SLC25A30: variants seen among roughly 807,000 people sequenced by gnomAD.
The protein encoded by SLC25A30 is kidney mitochondrial carrier protein 1.
SLC25A30 carries 29 observed loss-of-function variants against 42.7 expected under a neutral mutation model. The ratio of observed to expected loss-of-function variants is 0.68; its 90% confidence interval spans 0.51 to 0.93. The LOEUF is 0.93. Among genes scored for constraint, SLC25A30 ranks in the 40% least tolerant of loss-of-function variants. The pLI is 0.00. For missense variants in SLC25A30, 300 were observed against 359.7 expected, an observed-to-expected ratio of 0.83 and a Z score of 1.34; for synonymous variants, 124 against 131.0, an observed-to-expected ratio of 0.95 and a Z score of 0.37.
the SLC25A30 span, among the ~76,000 whole-genome samples, chr13:45,432,961 C>T: frequency 2.7e-5 from 4 of 147,814 alleles, no homozygotes; most frequent in African/African-American, 7.5e-5. Flanking sequence ...CACCTGAACC[C>T]GGGAAGGTTG....
the SLC25A30 span, among the ~76,000 whole-genome samples, chr13:45,424,498 TATATAAAAATATATATAAATATATAAAA>T: frequency 1.4e-3 from 87 of 62,798 alleles, 10 homozygotes; most frequent in Non-Finnish European, 2.1e-3. Context: ...AATATATAAA[TATATAAAAATATATATAAATATATAAAA>T]ATATATATAA....
the SLC25A30 span, among the ~76,000 whole-genome samples, chr13:45,423,901 A>C: frequency 2.2e-5 from 2 of 91,342 alleles, no homozygotes; most frequent in South Asian, 3.7e-4. Context: ...ATAAATATAT[A>C]TAAGAATATA....
In SLC25A30 at chr13:45,401,172, A is replaced by C; in HGVS notation, c.525T>G (p.Val175=). ...CATAGACCGGCAGCTCCACACCAAC[A>C]ACAATAGCAGCCCTCTGCGCAGTAA... ...VSLTAQRAAI[V]VGVELPVYDI... The change falls in exon 7 of 10, where the codon GTT becomes GTG. Residue 175 remains valine (V), a synonymous_variant. Coordinates refer to ENST00000519676, the MANE Select transcript of SLC25A30 (RefSeq NM_001010875.4). 1 of 1,614,158 alleles carries C rather than the reference A, an allele frequency of 6.2e-7. No homozygotes were observed. Among genetic ancestry groups the C allele is most frequent in the South Asian group, 1.1e-5 (1 of 91,084 alleles).
At chr13:45,431,034 G>A in the SLC25A30 span, among the ~76,000 whole-genome samples, 3,123 of 151,712 alleles carry the variant, frequency 0.021, 120 homozygotes, top group African/African-American at 0.069. Flanking sequence ...ACAATTGCAC[G>A]CTTCTTTTGT....
the SLC25A30 span, among the ~76,000 whole-genome samples, chr13:45,426,134 T>C: frequency 4.0e-5 from 6 of 151,784 alleles, no homozygotes; most frequent in African/African-American, 2.4e-5. Context: ...GTCACCAGTC[T>C]GGAGTGCAGT....
rs374975957 is a variant in SLC25A30 at position 45,395,955 on chromosome 13, C to G, written c.*19G>C. Reference sequence around the variant, plus strand: ...GAAGTTACCATTTTCAGAAAGATGTCTCATGCAGCCTTGGCTTGTCACAAA... The same window carrying G: ...GAAGTTACCATTTTCAGAAAGATGTGTCATGCAGCCTTGGCTTGTCACAAA... On this transcript the variant is annotated 3_prime_UTR_variant, in exon 10 of 10. Transcript: ENST00000519676. 1.2e-6 allele frequency: 2 copies of G among 1,614,076 alleles called. No individual in the cohort carries two copies. The highest frequency in any genetic ancestry group is 1.7e-6 in the Non-Finnish European group (2 of 1,180,036).
the SLC25A30 span, among the ~76,000 whole-genome samples, chr13:45,433,660 AAG>A: frequency 6.6e-6 from 1 of 152,216 alleles, no homozygotes; most frequent in Non-Finnish European, 1.5e-5. Context: ...GTAATAGTGG[AAG>A]AGTCAGGGAA....
At chr13:45,432,926 A>G in the SLC25A30 span, among the ~76,000 whole-genome samples, 1 of 151,466 alleles carries the variant, frequency 6.6e-6, no homozygotes, top group African/African-American at 2.4e-5. Context: ...GTCCTCAGCT[A>G]CTCAGGAGGC....
chr13:45,424,382 GAT>G, the SLC25A30 span, among the ~76,000 whole-genome samples: 4 of 50,246 alleles, frequency 8.0e-5, no homozygotes, highest in South Asian at 8.8e-4. Flanking sequence ...TAAATATATA[GAT>G]ATATAAATAT....
At chr13:45,418,914 C>T (rs1474423608), upstream of SLC25A30, among the ~76,000 whole-genome samples, 1 of 124,722 alleles carries the variant, frequency 8.0e-6, no homozygotes, top group Non-Finnish European at 1.6e-5. Flanking sequence ...GCACTCCAGC[C>T]TGGGCAACAA....
intron 9 of SLC25A30, 56 bp downstream of exon 9, chr13:45,397,202 A>G (rs1360437116): frequency 8.7e-7 from 1 of 1,154,066 alleles, no homozygotes; most frequent in Admixed American, 2.0e-5. Context: ...GAGTTTATAC[A>G]AATAGTATTC....
the SLC25A30 span, among the ~76,000 whole-genome samples, chr13:45,433,753 A>G: frequency 6.6e-6 from 1 of 152,172 alleles, no homozygotes; most frequent in African/African-American, 2.4e-5. Flanking sequence ...TGGCTTTCAA[A>G]CTCGTTAAAC....
chr13:45,425,062 G>C, the SLC25A30 span, among the ~76,000 whole-genome samples: 16 of 19,892 alleles, frequency 8.0e-4, 3 homozygotes, highest in African/African-American at 3.3e-3. Context: ...AAATATATAA[G>C]TATATATACA....
intron 3 of SLC25A30, among the ~76,000 whole-genome samples, chr13:45,408,035 A>G (rs1187101293): frequency 6.6e-6 from 1 of 152,098 alleles, no homozygotes; most frequent in Non-Finnish European, 1.5e-5. Flanking sequence ...GATGTTTACA[A>G]TGTAAAGCTG....
the SLC25A30 span, among the ~76,000 whole-genome samples, chr13:45,424,626 T>TATATAGAAATATATAG: frequency 1.7e-5 from 1 of 58,462 alleles, no homozygotes; most frequent in African/African-American, 6.4e-5. Flanking sequence ...TAAATATATA[T>TATATAGAAATATATAG]AAATATGTAT....
At chr13:45,425,295 T>C in the SLC25A30 span, among the ~76,000 whole-genome samples, 1 of 99,750 alleles carries the variant, frequency 1.0e-5, no homozygotes, top group South Asian at 2.6e-4. Flanking sequence ...TGTACGTATA[T>C]ATACGTATAT....
At chr13:45,425,711 G>T in the SLC25A30 span, among the ~76,000 whole-genome samples, 3 of 130,150 alleles carry the variant, frequency 2.3e-5, no homozygotes, top group Non-Finnish European at 4.9e-5. Context: ...TATATTTTTT[G>T]GGACTGAGTC....
intron 6 of SLC25A30, among the ~76,000 whole-genome samples, 195 bp from the exon 7 acceptor site, chr13:45,401,402 C>T (rs1881969395): frequency 6.6e-6 from 1 of 152,194 alleles, no homozygotes; most frequent in African/African-American, 2.4e-5. Flanking sequence ...AATTCTGATG[C>T]TGGCATTAAC....
At chr13:45,423,229 T>A (rs890504331), upstream of SLC25A30, among the ~76,000 whole-genome samples, 12 of 151,834 alleles carry the variant, frequency 7.9e-5, no homozygotes, top group Non-Finnish European at 1.6e-4. Flanking sequence ...GTCTGTCCCT[T>A]CCCATTGATA....
Sources: gnomAD v4.1 joint callset for allele counts (sites outside exome capture counted in the v4.1 genomes callset) on GRCh38, gnomAD v4.1.1 for gene constraint, MANE v1.5 for transcripts, NCBI Gene and HGNC (gene_info 2026-07-23, HGNC 2026-07-21) for gene names.